The following NME4 variants were observed in gnomAD, a reference collection of about 807,000 sequenced individuals.
NME4 encodes nucleoside diphosphate kinase D, mitochondrial.
A neutral mutation model predicts 16.4 loss-of-function variants in NME4; 21 were observed. The observed-to-expected ratio is 1.28, with a 90% CI of 0.91 to 1.84. The LOEUF (loss-of-function observed/expected upper bound fraction) is 1.84. Among genes scored for constraint, NME4 ranks in the 40% most tolerant of loss-of-function variants. The pLI is 0.00. For missense variants in NME4, 316 were observed against 261.3 expected (o/e 1.21, Z -1.44); for synonymous variants, 132 against 107.5 (o/e 1.23, Z -1.41).
chr16:398,278 G>T, intron 1 of NME4: 1 of 1,374,988 alleles, frequency 7.3e-7, no homozygotes, highest in Non-Finnish European at 9.6e-7. Flanking sequence ...GACAGGCCTT[G>T]AAACTCCACA....
intron 1 of NME4, 42 bp downstream of exon 1, chr16:397,355 G>A: frequency 1.3e-6 from 1 of 790,692 alleles, no homozygotes; most frequent in Non-Finnish European, 1.6e-6. Flanking sequence ...CGGAGGGGAG[G>A]AAGGGGCGCG....
At chr16:399,184 G>A in intron 2 of NME4, 61 bp downstream of exon 2, 1 of 1,592,770 alleles carries the variant, frequency 6.3e-7, no homozygotes, top group Non-Finnish European at 8.6e-7. Context: ...ATCCTTCTCG[G>A]CCTTTCACAT....
Position 397,311 on chromosome 16 carries a change from C to A in NME4, c.89C>A (p.Ser30Ter). ...PGPSLLVRHG[S>*]GGPSWTRERT... ...CCGAGCCTGCTAGTGCGCCACGGCTCGGGTGAGTGGGGCCGCGCGCCCCGG... is the reference window on the plus strand; with the variant it reads ...CCGAGCCTGCTAGTGCGCCACGGCTAGGGTGAGTGGGGCCGCGCGCCCCGG... The change falls in exon 1 of 5, where the codon TCG (serine) becomes TAG (stop). Residue 30 changes from serine to a stop codon, truncating the protein, a stop_gained and splice_region_variant. Transcript: ENST00000219479. LOFTEE classifies it high-confidence loss of function. 2 of 1,046,402 alleles carry A rather than the reference C, an allele frequency of 1.9e-6. No individual in the cohort carries two copies. The highest frequency in any genetic ancestry group is 2.3e-6 in the Non-Finnish European group (2 of 868,450). 64.8% of individuals were successfully genotyped at this position (1,046,402 alleles called of 1,614,324 possible). A position where few individuals can be genotyped will look rare whatever the true frequency, so the allele number is the denominator to read the frequency against.
chr16:399,008 G>A lies in NME4; in HGVS notation c.110G>A (p.Arg37Gln), dbSNP rs556587245. 1.1e-5 allele frequency: 17 copies of A among 1,610,104 alleles called. No homozygotes were observed. The highest frequency in any genetic ancestry group is 3.3e-5 in the South Asian group (3 of 91,082). Residue 37 changes from arginine to glutamine, a missense_variant, in exon 2 of 5, where the codon CGG becomes CAG. Arg to Gln is a conservative substitution (Grantham distance 43). Transcript: ENST00000219479. Reference protein sequence around the residue: ...RHGSGGPSWTRERTLVAVKPD... With the variant: ...RHGSGGPSWTQERTLVAVKPD... ...TTTGAAGGAGGGCCCTCCTGGACCC[G>A]GGAGCGGACCCTGGTGGCGGTGAAG...
In NME4 at chr16:399,044, T is replaced by C. The variant is rs756481093; in HGVS notation, c.146T>C (p.Val49Ala). The C allele has an allele frequency of 2.5e-6, 4 of 1,608,476 alleles. No homozygotes were observed. Among genetic ancestry groups the C allele is most frequent in the Non-Finnish European group, 2.5e-6 (3 of 1,179,686 alleles). Residue 49 changes from valine (V) to alanine (A), a missense_variant, in exon 2 of 5, where the codon GTG becomes GCG. Transcript: ENST00000219479. ...RTLVAVKPDG[V>A]QRRLVGDVIQ... ...CTGGTGGCGGTGAAGCCCGATGGCG[T>C]GCAACGGCGGCTCGTTGGGGACGTG...
At chr16:397,956 C>A in intron 1 of NME4, 2 of 1,547,196 alleles carry the variant, frequency 1.3e-6, no homozygotes, top group Non-Finnish European at 1.7e-6. Context: ...CCAGGCTACA[C>A]AAGGCGCCCT....
intron 1 of NME4, chr16:397,923 C>T: frequency 4.5e-6 from 7 of 1,550,630 alleles, no homozygotes; most frequent in Non-Finnish European, 5.2e-6. Context: ...GCCTGCAATG[C>T]CCGCACCAGC....
intron 2 of NME4, 68 bp downstream of exon 2, chr16:399,191 A>C: frequency 6.3e-7 from 1 of 1,592,028 alleles, no homozygotes. Flanking sequence ...TCGGCCTTTC[A>C]CATCCCAGCC....
chr16:397,799 G>A, intron 1 of NME4: 1 of 1,518,082 alleles, frequency 6.6e-7, no homozygotes, highest in Non-Finnish European at 8.8e-7. Context: ...AATCTGACTG[G>A]GACGTCAGGC....
At position 399,073 on chromosome 16, in the gene NME4, C is replaced by T; in HGVS notation, c.175C>T (p.Gln59Ter). 1.2e-6 allele frequency: 2 copies of T among 1,604,580 alleles called. No homozygotes were observed. Among genetic ancestry groups the T allele is most frequent in the African/African-American group, 1.3e-5 (1 of 75,010 alleles). ...ACGGCGGCTCGTTGGGGACGTGATC[C>T]AGCGCTTTGAGAGGCGGGGCTTCAC... is the stretch of plus-strand genomic sequence containing the variant. ...VQRRLVGDVI[Q>*]RFERRGFTLV... Residue 59 changes from glutamine to a stop codon, truncating the protein, a stop_gained, in exon 2 of 5, where the codon CAG (glutamine) becomes TAG (stop). Coordinates refer to ENST00000219479, the MANE Select transcript of NME4 (RefSeq NM_005009.3). LOFTEE classifies it high-confidence loss of function.
intron 1 of NME4, chr16:398,150 G>C (rs1845140554): frequency 6.5e-7 from 1 of 1,527,882 alleles, no homozygotes; most frequent in Admixed American, 2.0e-5. Context: ...AGGGTAGCTT[G>C]GCTCTGGAGC....
At position 400,378 on chromosome 16, in the gene NME4, A is replaced by G; in HGVS notation, c.*36A>G. 6.3e-7 allele frequency: 1 copy of G among 1,579,220 alleles called. No homozygotes were observed. Among genetic ancestry groups the G allele is most frequent in the Admixed American group, 1.9e-5 (1 of 52,280 alleles). On this transcript the variant is annotated 3_prime_UTR_variant, in exon 5 of 5. Transcript: ENST00000219479. ...GCCCTTACCACCCCATCCCCCACGC[A>G]GGACCAACTACCTCCGTCAGCAAGA...
At chr16:396,756 A>T (rs1163756656), upstream of NME4, 1 of 152,510 alleles carries the variant, frequency 6.6e-6, no homozygotes, top group Non-Finnish European at 1.5e-5. Context: ...CTCACGTGGG[A>T]ATTTCACCCT....
At chr16:397,911 C>T in intron 1 of NME4, 3 of 1,552,280 alleles carry the variant, frequency 1.9e-6, no homozygotes, top group Non-Finnish European at 1.7e-6. Flanking sequence ...AAGTGAGCCG[C>T]CGCCTGCAAT....
At chr16:399,277 G>A (rs2054609003) in intron 2 of NME4, 102 bp from the exon 3 acceptor site, 1 of 1,410,274 alleles carries the variant, frequency 7.1e-7, no homozygotes, top group South Asian at 1.2e-5. Context: ...TGCTGCCCAT[G>A]CTGGTGTTAT....
intron 4 of NME4, 49 bp from the exon 5 acceptor site, chr16:400,170 C>T (rs757035640): frequency 3.1e-6 from 5 of 1,612,014 alleles, no homozygotes; most frequent in African/African-American, 1.3e-5. Context: ...TGGGATTCCT[C>T]AGGGTGCACA....
At position 397,282 on chromosome 16, in the gene NME4, G is replaced by T; in HGVS notation, c.60G>T (p.Pro20=). 2 of 1,060,104 alleles carry T rather than the reference G, an allele frequency of 1.9e-6. No homozygotes were observed. Among genetic ancestry groups the T allele is most frequent in the Non-Finnish European group, 2.3e-6 (2 of 880,194 alleles). 65.7% of individuals were successfully genotyped at this position (1,060,104 alleles called of 1,614,324 possible). A position where few individuals can be genotyped will look rare whatever the true frequency, so the allele number is the denominator to read the frequency against. ...GGCTGCGCTGCGGCCCGCGGGCCCCGGGCCCGAGCCTGCTAGTGCGCCACG... is the reference window on the plus strand; with the variant it reads ...GGCTGCGCTGCGGCCCGCGGGCCCCTGGCCCGAGCCTGCTAGTGCGCCACG... ...LRGLRCGPRA[P]GPSLLVRHGS... is the part of the protein sequence containing the mutation. The change falls in exon 1 of 5, where the codon CCG becomes CCT. Residue 20 remains proline, a synonymous_variant. Transcript: ENST00000219479.
intron 1 of NME4, chr16:397,799 G>C (rs2054578254): frequency 6.6e-7 from 1 of 1,517,966 alleles, no homozygotes; most frequent in African/African-American, 1.4e-5. Flanking sequence ...AATCTGACTG[G>C]GACGTCAGGC....
intron 4 of NME4, 56 bp from the exon 5 acceptor site, chr16:400,163 G>GA: frequency 6.2e-7 from 1 of 1,611,904 alleles, no homozygotes; most frequent in Non-Finnish European, 8.5e-7. Context: ...TGGTCCCTGG[G>GA]ATTCCTCAGG....
Sources: allele counts gnomAD v4.1 joint callset, GRCh38; gene constraint gnomAD v4.1.1; transcripts MANE v1.5; gene names NCBI Gene and HGNC (gene_info 2026-07-23, HGNC 2026-07-21).